TRAPPC12: variants seen among roughly 807,000 people sequenced by gnomAD.
TRAPPC12 encodes the protein trafficking protein particle complex subunit 12.
TRAPPC12 carries 61 observed loss-of-function variants against 69.2 expected under a neutral mutation model. The ratio of observed to expected loss-of-function variants is 0.88; its 90% CI spans 0.72 to 1.09. TRAPPC12 has a LOEUF of 1.09. Among genes scored for constraint, TRAPPC12 ranks in the 50% least tolerant of loss-of-function variants. The probability of loss-of-function intolerance (pLI) is 0.00; values close to 1 mark genes in which losing one functional copy is unlikely to be tolerated. For synonymous variants in TRAPPC12, 469 were observed against 438.9 expected, an observed-to-expected ratio of 1.07 and a Z score of -0.86; for missense variants, 1,101 against 1,016.4, an observed-to-expected ratio of 1.08 and a Z score of -1.13.
chr2:3,466,977 G>C (rs1447474791), intron 9 of TRAPPC12, among the ~76,000 whole-genome samples: 2 of 152,170 alleles, frequency 1.3e-5, no homozygotes, highest in Admixed American at 1.3e-4. Context: ...AGACAATCTC[G>C]GAAATTTTAT....
rs751783760 is a variant in TRAPPC12 at position 3,383,417 on chromosome 2, G to A, written c.-5+3541G>A. ...TTGATCCCCCACCCCCGCCCCGCCCGAGACGGAGTCTTTCTCTGTCACCCA... is the reference window on the plus strand; with the variant it reads ...TTGATCCCCCACCCCCGCCCCGCCCAAGACGGAGTCTTTCTCTGTCACCCA... On this transcript the variant is annotated intron_variant, in intron 1 of 11. Transcript: ENST00000324266. Among the ~76,000 whole-genome samples the A allele has an allele frequency of 5.6e-4, 43 of 77,414 alleles. 1 individual carries two copies. In the Middle Eastern group the frequency reaches 0.034, roughly 61 times the overall value. 50.8% of individuals were successfully genotyped at this position (77,414 alleles called of 152,430 possible). A position where few individuals can be genotyped will look rare whatever the true frequency, so the allele number is the denominator to read the frequency against.
At chr2:3,389,336 C>G (rs1660688110) in intron 2 of TRAPPC12, among the ~76,000 whole-genome samples, 1 of 152,260 alleles carries the variant, frequency 6.6e-6, no homozygotes, top group African/African-American at 2.4e-5. Context: ...ACTGTGCTCT[C>G]AGCCCCCAGC....
At chr2:3,408,928 C>G (rs958738134) in intron 3 of TRAPPC12, among the ~76,000 whole-genome samples, 2 of 152,178 alleles carry the variant, frequency 1.3e-5, no homozygotes, top group African/African-American at 4.8e-5. Flanking sequence ...GCACCTGTTC[C>G]CACACACGCT....
chr2:3,382,964 AACC>A (rs1254268941), intron 1 of TRAPPC12, among the ~76,000 whole-genome samples: 1 of 152,206 alleles, frequency 6.6e-6, no homozygotes, highest in Non-Finnish European at 1.5e-5. Context: ...AAATAACTTA[AACC>A]ATGGGTGAAA....
chr2:3,421,446 A>G (rs1662778586), intron 3 of TRAPPC12, among the ~76,000 whole-genome samples: 1 of 152,276 alleles, frequency 6.6e-6, no homozygotes, highest in Non-Finnish European at 1.5e-5. Flanking sequence ...AGTCATATGC[A>G]AATCTTACAG....
rs779623052 is a variant in TRAPPC12, at chr2:3,460,294, C to T, written c.1635C>T (p.Gly545=). ...TCCGGCTGTGGAGGTCACGTCTGGG[C>T]CGGGTGATGTACTCCATGGCAAACT... The part of the protein sequence containing the change: ...ASIRLWRSRL[G]RVMYSMANCL... Residue 545 remains glycine (G), a synonymous_variant, in exon 8 of 12, where the codon GGC becomes GGT. Coordinates refer to ENST00000324266, the MANE Select transcript of TRAPPC12 (RefSeq NM_016030.6). 2.1e-5 allele frequency: 18 copies of T among 874,706 alleles called. No homozygotes were observed. The African/African-American group carries it at 2.6e-4, about 13-fold the overall frequency. The allele number at this position is 874,706 out of a possible 1,614,324, so 54.2% of individuals were successfully genotyped here. A position where few individuals can be genotyped will look rare whatever the true frequency, so the allele number is the denominator to read the frequency against.
At chr2:3,402,197 T>A (rs1014253136) in intron 3 of TRAPPC12, among the ~76,000 whole-genome samples, 1 of 152,246 alleles carries the variant, frequency 6.6e-6, no homozygotes, top group Non-Finnish European at 1.5e-5. Context: ...GTTCATTTTT[T>A]AAATATATTG....
chr2:3,380,223 C>T (rs895970651), intron 1 of TRAPPC12, among the ~76,000 whole-genome samples: 3 of 152,144 alleles, frequency 2.0e-5, no homozygotes, highest in Non-Finnish European at 4.4e-5. Context: ...CAGTTCCAGG[C>T]TTGGTGCCAG....
Position 3,388,264 on chromosome 2 carries a change from C to A in TRAPPC12, c.641C>A (p.Ala214Asp), listed in dbSNP as rs1318353446. 6.2e-7 allele frequency: 1 copy of A among 1,608,556 alleles called. No homozygotes were observed. The highest frequency in any genetic ancestry group is 8.5e-7 in the Non-Finnish European group (1 of 1,177,728). The change falls in exon 2 of 12, where the codon GCC becomes GAC. Residue 214 changes from alanine (A) to aspartate (D), a missense_variant. Physicochemically the swap from Ala to Asp is moderately radical, Grantham distance 126. Coordinates refer to ENST00000324266, the MANE Select transcript of TRAPPC12 (RefSeq NM_016030.6). ...PSLSTFFGDT[A>D]ASHSLASDFF... is the part of the protein sequence containing the mutation. ...CTCAGCACGTTCTTCGGAGACACGG[C>A]CGCCAGCCACTCCTTGGCCTCGGAC...
chr2:3,383,872 T>A (rs1017822494), intron 1 of TRAPPC12, among the ~76,000 whole-genome samples: 3 of 9,226 alleles, frequency 3.3e-4, no homozygotes, highest in African/African-American at 2.9e-3. Context: ...TTCAGTCTTG[T>A]TTTTTTTTTT....
intron 3 of TRAPPC12, among the ~76,000 whole-genome samples, chr2:3,403,324 C>T (rs1036884481): frequency 6.6e-6 from 1 of 151,360 alleles, no homozygotes; most frequent in African/African-American, 2.4e-5. Flanking sequence ...CCTCCACCTC[C>T]CGGGTTCAAG....
At chr2:3,423,159 A>G (rs1388485212) in intron 4 of TRAPPC12, among the ~76,000 whole-genome samples, 2 of 152,182 alleles carry the variant, frequency 1.3e-5, no homozygotes, top group African/African-American at 2.4e-5. Flanking sequence ...CTTTCCAACT[A>G]GGTCTGAAAC....
chr2:3,384,041 G>A (rs865898606), intron 1 of TRAPPC12, among the ~76,000 whole-genome samples: 4 of 151,484 alleles, frequency 2.6e-5, no homozygotes, highest in Admixed American at 6.6e-5. Flanking sequence ...GATTACAGGC[G>A]CCCTCCACCA....
At chr2:3,424,015 C>A (rs569114979) in intron 4 of TRAPPC12, among the ~76,000 whole-genome samples, 1 of 152,162 alleles carries the variant, frequency 6.6e-6, no homozygotes, top group African/African-American at 2.4e-5. Context: ...TGCCCTCAAA[C>A]ACAACCCATC....
intron 6 of TRAPPC12, among the ~76,000 whole-genome samples, chr2:3,446,572 G>A (rs529654113): frequency 2.0e-5 from 3 of 152,354 alleles, no homozygotes; most frequent in South Asian, 2.1e-4. Flanking sequence ...TTCCTTGCAC[G>A]TTAGGGGCTC....
At chr2:3,382,050 T>C (rs1190419201) in intron 1 of TRAPPC12, among the ~76,000 whole-genome samples, 1 of 152,130 alleles carries the variant, frequency 6.6e-6, no homozygotes, top group Non-Finnish European at 1.5e-5. Context: ...TTTTCACCAC[T>C]ATTTTAATAT....
intron 5 of TRAPPC12, 92 bp from the exon 6 acceptor site, chr2:3,443,686 TG>T: frequency 1.1e-6 from 1 of 881,842 alleles, no homozygotes; most frequent in Non-Finnish European, 1.9e-6. Context: ...TCACTTCTGC[TG>T]GGACATCTGC....
chr2:3,424,653 T>C lies in TRAPPC12; in HGVS notation c.1407T>C (p.Pro469=). ...LYYEYYPHVY[P]GRRGSMVPFS... Reference sequence around the variant, plus strand: ...ACGAGTACTACCCGCACGTGTACCCTGGGCGCAGGGGTAAGGCCATGGTAT... The same window carrying C: ...ACGAGTACTACCCGCACGTGTACCCCGGGCGCAGGGGTAAGGCCATGGTAT... Residue 469 remains proline (P), a synonymous_variant, in exon 5 of 12, where the codon CCT becomes CCC. Coordinates refer to ENST00000324266, the MANE Select transcript of TRAPPC12 (RefSeq NM_016030.6). The C allele has an allele frequency of 6.2e-7, 1 of 1,608,210 alleles. No homozygotes were observed. The highest frequency in any genetic ancestry group is 1.3e-5 in the African/African-American group (1 of 74,792).
intron 1 of TRAPPC12, among the ~76,000 whole-genome samples, chr2:3,381,365 T>G (rs560283620): frequency 3.7e-4 from 56 of 152,338 alleles, no homozygotes; most frequent in Non-Finnish European, 7.1e-4. Flanking sequence ...GAAACCAAGT[T>G]TTAAATGTTG....
Sources: gnomAD v4.1 joint callset for allele counts (sites outside exome capture counted in the v4.1 genomes callset) on GRCh38, gnomAD v4.1.1 for gene constraint, MANE v1.5 for transcripts, NCBI Gene and HGNC (gene_info 2026-07-23, HGNC 2026-07-21) for gene names.